The following MARCHF1 variants were observed in gnomAD, a reference collection of about 807,000 sequenced individuals.
The protein encoded by MARCHF1 is membrane associated ring-CH-type finger 1.
A neutral mutation model predicts 54.2 loss-of-function variants in MARCHF1; 40 were observed. The ratio of observed to expected loss-of-function variants is 0.74; its 90% CI spans 0.57 to 0.96. The LOEUF (loss-of-function observed/expected upper bound fraction) is 0.96. MARCHF1 is among the 40% of genes least tolerant of loss of function. The pLI is 0.00. For synonymous variants in MARCHF1, 236 were observed against 236.3 expected, an observed-to-expected ratio of 1.00 and a Z score of 0.01; for missense variants, 586 against 656.5, an observed-to-expected ratio of 0.89 and a Z score of 1.17.
chr4:163,929,973 A>AATATATTATTATATATAT (rs1560823848), intron 3 of MARCHF1, among the ~76,000 whole-genome samples: 1 of 125,396 alleles, frequency 8.0e-6, no homozygotes, highest in African/African-American at 3.1e-5. Context: ...AATATATATA[A>AATATATTATTATATATAT]TATATATAAT....
chr4:164,101,323 C>T (rs1286052846), intron 2 of MARCHF1, among the ~76,000 whole-genome samples: 1 of 147,618 alleles, frequency 6.8e-6, no homozygotes, highest in Non-Finnish European at 1.5e-5. Context: ...CACAGTCAAA[C>T]AAAAAGACAG....
chr4:163,769,222 T>C (rs1747079918), intron 4 of MARCHF1, among the ~76,000 whole-genome samples: 1 of 152,126 alleles, frequency 6.6e-6, no homozygotes, highest in Admixed American at 6.5e-5. Context: ...AAAACAATCA[T>C]TCTAGAAGAA....
In MARCHF1 at chr4:163,806,898, T is replaced by C. The variant is rs147347052; in HGVS notation, c.111+47123A>G. On this transcript the variant is annotated intron_variant, in intron 4 of 9. Transcript: ENST00000514618. Reference sequence around the variant, plus strand: ...CTACATTCCAGATGGACTAGACAGATAAATGTGAAAAAAAAGTACTAAAAA... The same window carrying C: ...CTACATTCCAGATGGACTAGACAGACAAATGTGAAAAAAAAGTACTAAAAA... Among the ~76,000 whole-genome samples, 353 of 151,586 alleles carry C rather than the reference T, an allele frequency of 2.3e-3. 3 individuals are homozygous for C. The highest frequency in any genetic ancestry group is 0.01 in the Middle Eastern group (3 of 294).
chr4:163,847,675 G>A (rs1215706830), intron 4 of MARCHF1, among the ~76,000 whole-genome samples: 4 of 145,674 alleles, frequency 2.7e-5, no homozygotes, highest in Non-Finnish European at 4.5e-5. Flanking sequence ...CCGCCTCCTG[G>A]GTTCAAGCGA....
intron 8 of MARCHF1, among the ~76,000 whole-genome samples, chr4:163,555,632 C>A (rs969688704): frequency 6.6e-6 from 1 of 151,968 alleles, no homozygotes; most frequent in Non-Finnish European, 1.5e-5. Context: ...CATGTTGAAC[C>A]AGCAGAAAAT....
chr4:164,218,334 T>C lies in MARCHF1; in HGVS notation c.-322-106672A>G, dbSNP rs79427305. Among the ~76,000 whole-genome samples the C allele has an allele frequency of 4.6e-3, 700 of 152,248 alleles. 3 individuals carry two copies. The highest frequency in any genetic ancestry group is 6.8e-3 in the Middle Eastern group (2 of 294). ...GTGGCATTTTTGTTCTTTTTCATCA[T>C]GTAAATGGTCTTACTCCTAAACTTT... On this transcript the variant is annotated intron_variant, in intron 1 of 9. Transcript: ENST00000514618.
intron 2 of MARCHF1, among the ~76,000 whole-genome samples, chr4:164,016,320 T>C (rs1325360878): frequency 1.3e-5 from 2 of 152,156 alleles, no homozygotes; most frequent in South Asian, 2.1e-4. Flanking sequence ...CCATCAGATC[T>C]CATGAGAACT....
intron 1 of MARCHF1, among the ~76,000 whole-genome samples, chr4:164,270,309 A>G (rs1196289934): frequency 6.6e-6 from 1 of 152,174 alleles, no homozygotes; most frequent in African/African-American, 2.4e-5. Context: ...TAAATGTCCC[A>G]TTCTCTGTGA....
At chr4:163,653,278 G>T (rs138545168) in intron 5 of MARCHF1, among the ~76,000 whole-genome samples, 1 of 151,882 alleles carries the variant, frequency 6.6e-6, no homozygotes, top group East Asian at 1.9e-4. Context: ...GTGAGAGACA[G>T]AGTGAGAAGA....
At chr4:164,015,084 A>T (rs149933590) in intron 2 of MARCHF1, among the ~76,000 whole-genome samples, 175 of 152,282 alleles carry the variant, frequency 1.1e-3, no homozygotes, top group African/African-American at 4.1e-3. Flanking sequence ...GTAAACATCA[A>T]GGTACTAGCA....
intron 5 of MARCHF1, among the ~76,000 whole-genome samples, chr4:163,638,462 T>A (rs531584538): frequency 5.3e-5 from 8 of 152,122 alleles, no homozygotes; most frequent in Non-Finnish European, 1.0e-4. Flanking sequence ...TACTAACGCC[T>A]GCTTTGCCTA....
intron 7 of MARCHF1, among the ~76,000 whole-genome samples, chr4:163,590,467 C>G (rs559144554): frequency 6.6e-6 from 1 of 152,088 alleles, no homozygotes; most frequent in South Asian, 2.1e-4. Flanking sequence ...AACAGATACA[C>G]AAAGTATCTT....
At chr4:163,724,677 CTT>C (rs2111303791) in intron 4 of MARCHF1, among the ~76,000 whole-genome samples, 1 of 152,324 alleles carries the variant, frequency 6.6e-6, no homozygotes, top group South Asian at 2.1e-4. Context: ...CTTCCTGCCA[CTT>C]TGTTTACCTA....
intron 1 of MARCHF1, among the ~76,000 whole-genome samples, chr4:164,248,340 T>C (rs1401117422): frequency 6.6e-6 from 1 of 152,092 alleles, no homozygotes; most frequent in Non-Finnish European, 1.5e-5. Flanking sequence ...AATCCCAAGG[T>C]GCATTGTGAG....
chr4:163,558,163 G>T (rs1033110205), intron 8 of MARCHF1, among the ~76,000 whole-genome samples: 1 of 152,182 alleles, frequency 6.6e-6, no homozygotes, highest in Non-Finnish European at 1.5e-5. Flanking sequence ...AGAGTGGGCA[G>T]GACCAGATGA....
At chr4:164,327,195 T>G (rs1175803343) in intron 1 of MARCHF1, among the ~76,000 whole-genome samples, 2 of 152,136 alleles carry the variant, frequency 1.3e-5, no homozygotes, top group Non-Finnish European at 2.9e-5. Flanking sequence ...ATGAACAAGT[T>G]ACCAACAATT....
At chr4:163,837,728 GT>G (rs1442901605) in intron 4 of MARCHF1, among the ~76,000 whole-genome samples, 1 of 121,438 alleles carries the variant, frequency 8.2e-6, no homozygotes, top group East Asian at 2.5e-4. Flanking sequence ...ACACTAACAT[GT>G]CTCTGTAACT....
chr4:163,851,325 T>G (rs1193869271), intron 4 of MARCHF1, among the ~76,000 whole-genome samples: 2 of 152,160 alleles, frequency 1.3e-5, no homozygotes, highest in African/African-American at 2.4e-5. Flanking sequence ...ATTGGGAGAC[T>G]TTATAATGTC....
chr4:163,826,075 G>A (rs1448798968), intron 4 of MARCHF1, among the ~76,000 whole-genome samples: 2 of 151,908 alleles, frequency 1.3e-5, no homozygotes, highest in Admixed American at 6.6e-5. Flanking sequence ...TATAGACCTC[G>A]AATACTGATA....
Sources: allele counts gnomAD v4.1 joint callset (sites outside exome capture counted in the v4.1 genomes callset), GRCh38; gene constraint gnomAD v4.1.1; transcripts MANE v1.5; gene names NCBI Gene and HGNC (gene_info 2026-07-23, HGNC 2026-07-21).